ORC4: variants seen among roughly 807,000 people sequenced by gnomAD.
ORC4 encodes the protein origin recognition complex, subunit 4 homolog.
ORC4 carries 55 observed loss-of-function variants against 63.9 expected under a neutral mutation model. That is an observed-to-expected ratio of 0.86 (90% CI 0.69 to 1.08). The LOEUF (loss-of-function observed/expected upper bound fraction) is 1.08. Ranked by LOEUF, ORC4 falls within the 50% of genes least tolerant of loss-of-function variation. ORC4 has a pLI of 0.00. For missense variants in ORC4, 511 were observed against 504.4 expected, an observed-to-expected ratio of 1.01 and a Z score of -0.13; for synonymous variants, 150 against 168.5, an observed-to-expected ratio of 0.89 and a Z score of 0.85.
chr2:147,961,876 G>A (rs1573795932), intron 4 of ORC4, among the ~76,000 whole-genome samples: 1 of 152,158 alleles, frequency 6.6e-6, no homozygotes, highest in African/African-American at 2.4e-5. Context: ...ATGAAAAGGT[G>A]CTATAACGTG....
intron 10 of ORC4, among the ~76,000 whole-genome samples, chr2:147,941,740 G>A (rs1688375644): frequency 6.6e-6 from 1 of 151,684 alleles, no homozygotes; most frequent in African/African-American, 2.4e-5. Flanking sequence ...CAATACTGAG[G>A]CAGAGATATT....
intron 1 of ORC4, among the ~76,000 whole-genome samples, chr2:148,002,610 G>A (rs186080933): frequency 6.8e-4 from 103 of 152,254 alleles, no homozygotes; most frequent in African/African-American, 2.2e-3. Flanking sequence ...CACAGCTAAA[G>A]CAGTGTGTAG....
intron 1 of ORC4, among the ~76,000 whole-genome samples, chr2:148,010,341 C>A (rs1356761506): frequency 6.7e-6 from 1 of 149,782 alleles, no homozygotes; most frequent in African/African-American, 2.5e-5. Context: ...ATAAAGAAAA[C>A]AAGAAAATAA....
At chr2:147,988,793 A>C (rs1477432943) in intron 1 of ORC4, among the ~76,000 whole-genome samples, 3 of 11,110 alleles carry the variant, frequency 2.7e-4, no homozygotes, top group African/African-American at 5.7e-4. Context: ...AACAAAAAGC[A>C]AAAAAAAAAA....
intron 1 of ORC4, among the ~76,000 whole-genome samples, chr2:148,006,713 T>C (rs1229614215): frequency 1.3e-5 from 2 of 152,214 alleles, no homozygotes; most frequent in African/African-American, 4.8e-5. Flanking sequence ...GACTCAGTCT[T>C]GGCAGAATTC....
chr2:147,935,285 T>C lies in ORC4; in HGVS notation c.*225A>G. 1.8e-6 allele frequency: 1 copy of C among 548,210 alleles called. No individual in the cohort carries two copies. The highest frequency in any genetic ancestry group is 3.2e-5 in the East Asian group (1 of 31,402). 34.0% of individuals were successfully genotyped at this position (548,210 alleles called of 1,614,324 possible). On this transcript the variant is annotated 3_prime_UTR_variant, in exon 14 of 14. Coordinates refer to ENST00000392857, the MANE Select transcript of ORC4 (RefSeq NM_181741.4). ...TAGTCCCTAAAACAGTCATATTTTA[T>C]TCTTCTGAACAGCTACTTACAAAGT...
chr2:147,938,657 C>T (rs1688195664), intron 11 of ORC4: 1 of 435,452 alleles, frequency 2.3e-6, no homozygotes, highest in African/African-American at 2.0e-5. Context: ...TATTATCAGG[C>T]ACTCACCATA....
intron 4 of ORC4, among the ~76,000 whole-genome samples, chr2:147,971,798 A>C (rs1160916835): frequency 6.6e-6 from 1 of 152,042 alleles, no homozygotes; most frequent in African/African-American, 2.4e-5. Context: ...AAATTACTGC[A>C]AATATGATTA....
chr2:147,941,504 G>A (rs1248861559), intron 10 of ORC4, among the ~76,000 whole-genome samples: 2 of 151,820 alleles, frequency 1.3e-5, no homozygotes, highest in Non-Finnish European at 2.9e-5. Flanking sequence ...GAAAAAAAAA[G>A]TTTAATTGTA....
At position 147,935,249 on chromosome 2, in the gene ORC4, A is replaced by G; in HGVS notation, c.*261T>C. 1 of 470,440 alleles carries G rather than the reference A, an allele frequency of 2.1e-6. No homozygotes were observed. The allele number at this position is 470,440 out of a possible 1,614,324, so 29.1% of individuals were successfully genotyped here. A position where few individuals can be genotyped will look rare whatever the true frequency, so the allele number is the denominator to read the frequency against. On this transcript the variant is annotated 3_prime_UTR_variant, in exon 14 of 14. Coordinates refer to ENST00000392857, the MANE Select transcript of ORC4 (RefSeq NM_181741.4). ...CCATTATATATATAAGTGTTAAAAAAGCACATGGTCTAGTCCCTAAAACAG... is the reference window on the plus strand; with the variant it reads ...CCATTATATATATAAGTGTTAAAAAGGCACATGGTCTAGTCCCTAAAACAG...
At chr2:147,943,889 C>T (rs990085371) in intron 9 of ORC4, among the ~76,000 whole-genome samples, 1 of 151,984 alleles carries the variant, frequency 6.6e-6, no homozygotes, top group Admixed American at 6.6e-5. Context: ...TAAAGTATTA[C>T]AAAGAATGCT....
chr2:147,983,670 T>C (rs1030612658), intron 1 of ORC4, among the ~76,000 whole-genome samples: 3 of 152,150 alleles, frequency 2.0e-5, no homozygotes, highest in African/African-American at 7.2e-5. Context: ...CCTGTTGTCA[T>C]AGAAAAAGCC....
intron 1 of ORC4, among the ~76,000 whole-genome samples, chr2:147,979,399 C>A (rs1573833238): frequency 1.3e-5 from 2 of 152,176 alleles, no homozygotes; most frequent in East Asian, 3.9e-4. Flanking sequence ...GGTGAAAGGT[C>A]TGTCACTGAA....
chr2:147,939,195 A>C lies in ORC4; in HGVS notation c.903T>G (p.Asp301Glu). 1 of 1,613,216 alleles carries C rather than the reference A, an allele frequency of 6.2e-7. No homozygotes were observed. ...TASHPFMTAV[D>E]LMEASQLCSM... is the part of the protein sequence containing the mutation. Reference sequence around the variant, plus strand: ...TACACAGTTGGCTTGCTTCCATTAGATCTACGGCAGTCATAAATGGGTGCG... The same window carrying C: ...TACACAGTTGGCTTGCTTCCATTAGCTCTACGGCAGTCATAAATGGGTGCG... The change falls in exon 11 of 14, where the codon GAT becomes GAG. Residue 301 changes from aspartate (D) to glutamate (E), a missense_variant. Transcript: ENST00000392857.
At chr2:147,997,178 A>G (rs1692021824) in intron 1 of ORC4, among the ~76,000 whole-genome samples, 1 of 152,206 alleles carries the variant, frequency 6.6e-6, no homozygotes, top group African/African-American at 2.4e-5. Context: ...TTCCAACTAT[A>G]TGATATTCTG....
chr2:148,008,901 G>A (rs542430207), intron 1 of ORC4, among the ~76,000 whole-genome samples: 5 of 151,376 alleles, frequency 3.3e-5, no homozygotes, highest in Non-Finnish European at 7.4e-5. Context: ...TTTTGTATTC[G>A]AGTGCTATTT....
chr2:147,976,001 A>T, intron 1 of ORC4, 26 bp from the exon 2 acceptor site: 5 of 1,089,036 alleles, frequency 4.6e-6, no homozygotes, highest in African/African-American at 1.5e-5. Flanking sequence ...CATAAATATT[A>T]TAAACGTAGT....
rs1344358236 is a variant in ORC4, at chr2:147,936,503, C to T, written c.1123-805G>A. On this transcript the variant is annotated intron_variant, in intron 13 of 13. Coordinates refer to ENST00000392857, the MANE Select transcript of ORC4 (RefSeq NM_181741.4). ...AGATTCCTGAGGATTCTATTATATT[C>T]TTACAACTCACTGTAAAAAACATCA... is the stretch of plus-strand genomic sequence containing the variant. The T allele has an allele frequency of 2.0e-5, 3 of 151,920 alleles. No individual in the cohort carries two copies. In the East Asian group the frequency reaches 5.8e-4, roughly 29 times the overall value. The allele number at this position is 151,920 out of a possible 1,614,324, so 9.4% of individuals were successfully genotyped here. A position where few individuals can be genotyped will look rare whatever the true frequency, so the allele number is the denominator to read the frequency against.
Position 147,958,413 on chromosome 2 carries a change from A to T in ORC4, c.302-30T>A, listed in dbSNP as rs762278858. ...AATAAAGTCCATTTAAAAGTATTTA[A>T]TTAAAATTAAACATGTATTTGATAC... On this transcript the variant is annotated intron_variant, in intron 5 of 13. Coordinates refer to ENST00000392857, the MANE Select transcript of ORC4 (RefSeq NM_181741.4). 12 of 1,516,094 alleles carry T rather than the reference A, an allele frequency of 7.9e-6. No homozygotes were observed. In the African/African-American group the frequency reaches 1.7e-4, roughly 21 times the overall value. The allele number at this position is 1,516,094 out of a possible 1,614,324, so 93.9% of individuals were successfully genotyped here. A position where few individuals can be genotyped will look rare whatever the true frequency, so the allele number is the denominator to read the frequency against.
Sources: allele counts gnomAD v4.1 joint callset (sites outside exome capture counted in the v4.1 genomes callset), GRCh38; gene constraint gnomAD v4.1.1; transcripts MANE v1.5; gene names NCBI Gene and HGNC (gene_info 2026-07-23, HGNC 2026-07-21).